The following DHX35 variants were observed in gnomAD, a reference collection of about 807,000 sequenced individuals.
DHX35 encodes probable ATP-dependent RNA helicase DHX35.
A neutral mutation model predicts 99.6 loss-of-function variants in DHX35; 84 were observed. The observed-to-expected ratio is 0.84, with a 90% CI of 0.71 to 1.01. The LOEUF (loss-of-function observed/expected upper bound fraction) is 1.01, where lower values mean the gene tolerates loss of function less well. DHX35 is among the 50% of genes least tolerant of loss of function. DHX35 has a pLI of 0.00. For synonymous variants in DHX35, 331 were observed against 316.2 expected, an observed-to-expected ratio of 1.05 and a Z score of -0.50; for missense variants, 852 against 888.5, an observed-to-expected ratio of 0.96 and a Z score of 0.52.
rs145734005 is a variant in DHX35 at position 39,009,175 on chromosome 20, C to T, written c.1223-1105C>T. ...CCTCTTATGTGTTAACTTTGTTTCT[C>T]CTTTGGTTAGTAGTGTGCTTGGAAA... On this transcript the variant is annotated intron_variant, in intron 12 of 21. Transcript: ENST00000252011. Among the ~76,000 whole-genome samples the T allele has an allele frequency of 1.1e-4, 17 of 152,234 alleles. No homozygotes were observed. In the East Asian group the frequency reaches 1.9e-3, roughly 17 times the overall value.
intron 13 of DHX35, 110 bp downstream of exon 13, chr20:39,010,514 C>T (rs1166835073): frequency 2.1e-6 from 3 of 1,449,198 alleles, no homozygotes; most frequent in South Asian, 2.7e-5. Flanking sequence ...CTACTCAGGT[C>T]ATGTGTTGTG....
At chr20:38,992,872 T>C (rs1204642867) in intron 7 of DHX35, among the ~76,000 whole-genome samples, 2 of 152,222 alleles carry the variant, frequency 1.3e-5, no homozygotes, top group Non-Finnish European at 2.9e-5. Context: ...TAAATACTGT[T>C]GTAGCAAGCA....
chr20:38,976,323 T>C (rs1303529347), intron 3 of DHX35, among the ~76,000 whole-genome samples: 1 of 144,402 alleles, frequency 6.9e-6, no homozygotes, highest in Non-Finnish European at 1.5e-5. Flanking sequence ...TTCATGCATT[T>C]ACAGAGAAGT....
intron 1 of DHX35, 126 bp downstream of exon 1, chr20:38,962,533 C>T: frequency 2.4e-6 from 3 of 1,242,408 alleles, no homozygotes; most frequent in African/African-American, 1.5e-5. Context: ...GCGCTGCCGC[C>T]TCTGTGCGGG....
intron 5 of DHX35, among the ~76,000 whole-genome samples, chr20:38,989,409 G>A (rs567661824): frequency 4.6e-5 from 7 of 151,544 alleles, no homozygotes; most frequent in Admixed American, 2.6e-4. Flanking sequence ...CACTGTGCCC[G>A]GCCGACACAG....
intron 18 of DHX35, among the ~76,000 whole-genome samples, 167 bp from the exon 19 acceptor site, chr20:39,028,251 A>G (rs933155554): frequency 2.0e-5 from 3 of 152,168 alleles, no homozygotes; most frequent in East Asian, 3.9e-4. Flanking sequence ...GTGCTGGGGC[A>G]GGCATCCAGC....
chr20:38,996,430 G>A (rs1046734278), intron 8 of DHX35, among the ~76,000 whole-genome samples: 8 of 152,192 alleles, frequency 5.3e-5, no homozygotes, highest in Non-Finnish European at 1.2e-4. Context: ...GTCAGATGAC[G>A]GAAAGCCTTA....
rs1250668501 is a variant in DHX35, at chr20:39,006,133, G to T, written c.1012-13G>T. ...TAAAATGAGTTTTATTCTTCTTTCT[G>T]TGGGGAACGTAGGTGATAGTGGCCA... On this transcript the variant is annotated splice_polypyrimidine_tract_variant and intron_variant, in intron 11 of 21. Coordinates refer to ENST00000252011, the MANE Select transcript of DHX35 (RefSeq NM_021931.4). 3 of 1,604,370 alleles carry T rather than the reference G, an allele frequency of 1.9e-6. No homozygotes were observed. The highest frequency in any genetic ancestry group is 2.6e-6 in the Non-Finnish European group (3 of 1,171,940).
chr20:38,991,662 G>T, intron 6 of DHX35, 147 bp downstream of exon 6: 1 of 629,752 alleles, frequency 1.6e-6, no homozygotes, highest in South Asian at 2.2e-5. Flanking sequence ...GACCCTTGGT[G>T]TTTTTCTCAG....
At chr20:39,013,654 T>A (rs970260356) in intron 13 of DHX35, among the ~76,000 whole-genome samples, 12 of 152,212 alleles carry the variant, frequency 7.9e-5, no homozygotes, top group African/African-American at 2.9e-4. Context: ...AAAAGCCTAG[T>A]TCAGAGATTG....
chr20:38,968,591 A>C (rs2085944734), intron 1 of DHX35, among the ~76,000 whole-genome samples: 1 of 151,936 alleles, frequency 6.6e-6, no homozygotes, highest in Non-Finnish European at 1.5e-5. Context: ...TCTGTCGCCC[A>C]GGCTGGAGTG....
intron 21 of DHX35, among the ~76,000 whole-genome samples, chr20:39,038,256 T>C (rs1272580571): frequency 6.6e-6 from 1 of 152,214 alleles, no homozygotes; most frequent in African/African-American, 2.4e-5. Context: ...CGCAGAGCCC[T>C]GTATAACCAG....
intron 15 of DHX35, among the ~76,000 whole-genome samples, chr20:39,019,190 G>A (rs946662895): frequency 4.0e-5 from 6 of 151,818 alleles, no homozygotes; most frequent in Non-Finnish European, 8.8e-5. Context: ...CCTCTGCCCC[G>A]CCCCTGGCAA....
At chr20:38,967,445 A>G (rs564728946) in intron 1 of DHX35, among the ~76,000 whole-genome samples, 21 of 152,340 alleles carry the variant, frequency 1.4e-4, no homozygotes, top group African/African-American at 5.1e-4. Context: ...CCAGTGCTGA[A>G]AAGTGTGACC....
intron 13 of DHX35, among the ~76,000 whole-genome samples, chr20:39,012,575 G>C (rs2086721285): frequency 1.3e-5 from 2 of 151,852 alleles, no homozygotes; most frequent in Non-Finnish European, 2.9e-5. Flanking sequence ...TGTCACCCAG[G>C]CTGGAGTGCA....
intron 16 of DHX35, among the ~76,000 whole-genome samples, chr20:39,022,241 A>G (rs548292343): frequency 1.3e-5 from 2 of 152,248 alleles, no homozygotes; most frequent in South Asian, 2.1e-4. Context: ...GCCCACTGCA[A>G]CTGCACTCTG....
intron 1 of DHX35, chr20:38,962,722 G>A: frequency 2.6e-6 from 1 of 385,788 alleles, no homozygotes; most frequent in Non-Finnish European, 4.7e-6. Flanking sequence ...GCTCCCTCTC[G>A]TGTCTCGTTA....
Position 38,988,869 on chromosome 20 carries a change from CT to C in DHX35, c.403del (p.Cys135AlafsTer27). The C allele has an allele frequency of 6.2e-7, 1 of 1,613,858 alleles. No homozygotes were observed. The highest frequency in any genetic ancestry group is 8.5e-7 in the Non-Finnish European group (1 of 1,179,868). On this transcript the variant is annotated frameshift_variant, in exon 5 of 22. Transcript: ENST00000252011. LOFTEE classifies it high-confidence loss of function. ...GAVLGHEVGY[C>X]IRFDDCTDQL... ...CAGTGCTGGGCCACGAGGTGGGCTACTGCATCCGCTTTGATGACTGCACCGA... is the reference window on the plus strand; with the variant it reads ...CAGTGCTGGGCCACGAGGTGGGCTACGCATCCGCTTTGATGACTGCACCGA...
chr20:38,984,416 T>G (rs142389128), intron 4 of DHX35, among the ~76,000 whole-genome samples: 1 of 152,214 alleles, frequency 6.6e-6, no homozygotes, highest in South Asian at 2.1e-4. Context: ...AATGGTTGAC[T>G]GGCTGGATAG....
Sources: gnomAD v4.1 joint callset for allele counts (sites outside exome capture counted in the v4.1 genomes callset) on GRCh38, gnomAD v4.1.1 for gene constraint, MANE v1.5 for transcripts, NCBI Gene and HGNC (gene_info 2026-07-23, HGNC 2026-07-21) for gene names.